Variants in TIAM2 observed in about 807,000 individuals in gnomAD.
TIAM2 encodes rho guanine nucleotide exchange factor TIAM2.
A neutral mutation model predicts 152.9 loss-of-function variants in TIAM2; 80 were observed. The observed-to-expected ratio is 0.52, with a 90% CI of 0.44 to 0.63. The LOEUF (loss-of-function observed/expected upper bound fraction) is 0.63, where lower values mean the gene tolerates loss of function less well. Ranked by LOEUF, TIAM2 falls within the 30% of genes least tolerant of loss-of-function variation. The probability of loss-of-function intolerance (pLI) is 0.00; values close to 1 mark genes in which losing one functional copy is unlikely to be tolerated. For missense variants in TIAM2, 1,965 were observed against 2,120.1 expected, an observed-to-expected ratio of 0.93 and a Z score of 1.44; for synonymous variants, 804 against 838.0, an observed-to-expected ratio of 0.96 and a Z score of 0.70.
In TIAM2 at chr6:155,005,244, C is replaced by T. The variant is rs1029863204; in HGVS notation, c.-209+9752C>T. Reference sequence around the variant, plus strand: ...TTTCCACAATAAAAATGAGGAATTCCGTCTGGAAGCAGGCCAGGCATCCTG... The same window carrying T: ...TTTCCACAATAAAAATGAGGAATTCTGTCTGGAAGCAGGCCAGGCATCCTG... On this transcript the variant is annotated intron_variant, in intron 1 of 26. Transcript: ENST00000682666. 4.8e-5 allele frequency: 11 copies of T among 226,946 alleles called. 1 individual carries two copies. Among genetic ancestry groups the T allele is most frequent in the South Asian group, 3.3e-4 (4 of 12,306 alleles). 14.1% of individuals were successfully genotyped at this position (226,946 alleles called of 1,614,324 possible).
chr6:155,008,279 A>G (rs1425835264), intron 1 of TIAM2, among the ~76,000 whole-genome samples: 2 of 152,264 alleles, frequency 1.3e-5, no homozygotes, highest in Non-Finnish European at 2.9e-5. Flanking sequence ...CTAAAATAGC[A>G]TGACACTGAG....
In TIAM2 at chr6:155,248,690, G is replaced by A. The variant is rs1447221497; in HGVS notation, c.3832+511G>A. Among the ~76,000 whole-genome samples the A allele has an allele frequency of 2.6e-5, 4 of 152,194 alleles. No homozygotes were observed. In the East Asian group the frequency reaches 7.7e-4, roughly 29 times the overall value. On this transcript the variant is annotated intron_variant, in intron 20 of 26. Coordinates refer to ENST00000682666, the MANE Select transcript of TIAM2 (RefSeq NM_012454.4). Reference sequence around the variant, plus strand: ...TTCAAGTCGCTACTGGTGTGTTACTGTTTGAACCTCTGAAATTACTGGCCT... The same window carrying A: ...TTCAAGTCGCTACTGGTGTGTTACTATTTGAACCTCTGAAATTACTGGCCT...
chr6:155,113,480 G>A (rs906946951), intron 2 of TIAM2, among the ~76,000 whole-genome samples: 13 of 152,062 alleles, frequency 8.5e-5, no homozygotes, highest in African/African-American at 2.7e-4. Context: ...TAGCACTTTG[G>A]GAGGCTGAGG....
rs1267049835 is a variant in TIAM2, at chr6:155,029,479, TA to T, written c.-209+33988del. ...ATTATATATAATATATACTATAGTA[TA>T]TATACTATAGTATATATTATATATA... On this transcript the variant is annotated intron_variant, in intron 1 of 26. Transcript: ENST00000682666. Among the ~76,000 whole-genome samples, 72 of 20,102 alleles carry T rather than the reference TA, an allele frequency of 3.6e-3. 12 individuals are homozygous for T. Among genetic ancestry groups the T allele is most frequent in the African/African-American group, 0.011 (41 of 3,898 alleles). 13.2% of individuals were successfully genotyped at this position (20,102 alleles called of 152,430 possible).
chr6:155,089,218 CGGGGGGGT>C (rs1778240758), intron 1 of TIAM2, among the ~76,000 whole-genome samples: 1 of 131,498 alleles, frequency 7.6e-6, no homozygotes, highest in South Asian at 2.5e-4. Flanking sequence ...TGTTTTTTTT[CGGGGGGGT>C]GGGGGTGTGG....
At chr6:155,225,636 T>A (rs965968856) in intron 15 of TIAM2, among the ~76,000 whole-genome samples, 1 of 152,252 alleles carries the variant, frequency 6.6e-6, no homozygotes, top group Non-Finnish European at 1.5e-5. Flanking sequence ...ATGTATTTAT[T>A]GATTTCTATT....
At chr6:155,142,791 T>C (rs556227021) in intron 5 of TIAM2, among the ~76,000 whole-genome samples, 2 of 152,302 alleles carry the variant, frequency 1.3e-5, no homozygotes, top group African/African-American at 4.8e-5. Flanking sequence ...GAGGAGCAAA[T>C]GCGCAGTTTC....
At chr6:155,144,887 C>T (rs1779788019) in intron 6 of TIAM2, 109 bp downstream of exon 6, 2 of 1,319,346 alleles carry the variant, frequency 1.5e-6, no homozygotes, top group South Asian at 2.9e-5. Context: ...CTTAGTTAGG[C>T]TTTGGATTTG....
intron 1 of TIAM2, among the ~76,000 whole-genome samples, chr6:155,008,032 G>T (rs1265315463): frequency 6.6e-6 from 1 of 152,186 alleles, no homozygotes; most frequent in Non-Finnish European, 1.5e-5. Flanking sequence ...CAACAAGTGG[G>T]TTGTTCCGAA....
intron 15 of TIAM2, among the ~76,000 whole-genome samples, chr6:155,228,644 T>C (rs1782329210): frequency 6.6e-6 from 1 of 152,178 alleles, no homozygotes; most frequent in Non-Finnish European, 1.5e-5. Context: ...GAATTTTATG[T>C]GAAAGAGGTG....
intron 1 of TIAM2, among the ~76,000 whole-genome samples, chr6:155,047,919 C>T (rs1311920428): frequency 2.0e-5 from 3 of 152,122 alleles, no homozygotes; most frequent in Non-Finnish European, 4.4e-5. Context: ...ATGGTAAGCA[C>T]TGATGTCAGT....
intron 14 of TIAM2, among the ~76,000 whole-genome samples, chr6:155,198,553 T>C (rs922085274): frequency 4.7e-5 from 7 of 149,064 alleles, no homozygotes; most frequent in African/African-American, 1.7e-4. Context: ...TCCCAGCTAC[T>C]CGGAAGGCTG....
chr6:155,016,743 C>A (rs1029179390), intron 1 of TIAM2, among the ~76,000 whole-genome samples: 1 of 151,034 alleles, frequency 6.6e-6, no homozygotes, highest in Non-Finnish European at 1.5e-5. Flanking sequence ...ACTAAAAATA[C>A]AAAAAAATTA....
At chr6:155,211,151 T>C (rs902532836) in intron 14 of TIAM2, 53 bp from the exon 15 acceptor site, 3 of 1,530,268 alleles carry the variant, frequency 2.0e-6, no homozygotes, top group South Asian at 2.3e-5. Context: ...CCGGGTGTTA[T>C]TATTCTCTGC....
At chr6:155,228,106 G>C (rs730536) in intron 15 of TIAM2, among the ~76,000 whole-genome samples, 117,384 of 152,134 alleles carry the variant, frequency 0.77, 45,477 homozygotes, top group East Asian at 0.86. Flanking sequence ...AGTGAAGGGA[G>C]AGTCTGGGCT....
At position 155,112,300 on chromosome 6, in the gene TIAM2, A is replaced by G. The variant is rs1463789434; in HGVS notation, c.-117-15190A>G. 4.0e-5 allele frequency among the ~76,000 whole-genome samples: 6 copies of G among 151,186 alleles called. No homozygotes were observed. In the East Asian group the frequency reaches 5.8e-4, roughly 15 times the overall value. On this transcript the variant is annotated intron_variant, in intron 2 of 26. Coordinates refer to ENST00000682666, the MANE Select transcript of TIAM2 (RefSeq NM_012454.4). ...GCCACCAAGCCCGGCTAATTTTTGTAATTTTTTTTAGTAGAGACGGGGTTT... is the reference window on the plus strand; with the variant it reads ...GCCACCAAGCCCGGCTAATTTTTGTGATTTTTTTTAGTAGAGACGGGGTTT...
Position 155,254,036 on chromosome 6 carries a change from A to C in TIAM2, c.4289A>C (p.Glu1430Ala), listed in dbSNP as rs1783847546. 6.2e-7 allele frequency: 1 copy of C among 1,614,182 alleles called. No homozygotes were observed. Among genetic ancestry groups the C allele is most frequent in the Non-Finnish European group, 8.5e-7 (1 of 1,180,014 alleles). ...AAGTCAGAAATAGAAGGACGGCCAG[A>C]AACCATCTTTCAGTTGTGTTGCAGG... ...HTKSEIEGRP[E>A]TIFQLCCSDS... The change falls in exon 25 of 27, where the codon GAA becomes GCA. Residue 1430 changes from glutamate to alanine, a missense_variant. Coordinates refer to ENST00000682666, the MANE Select transcript of TIAM2 (RefSeq NM_012454.4).
chr6:155,075,156 A>T (rs1404853286), intron 1 of TIAM2, among the ~76,000 whole-genome samples: 1 of 151,974 alleles, frequency 6.6e-6, no homozygotes, highest in African/African-American at 2.4e-5. Flanking sequence ...AGGTGAGGGG[A>T]GGCTGGGTTG....
chr6:155,032,914 A>G (rs1332105220), intron 1 of TIAM2, among the ~76,000 whole-genome samples: 1 of 152,214 alleles, frequency 6.6e-6, no homozygotes, highest in African/African-American at 2.4e-5. Flanking sequence ...TGGGGTATAT[A>G]AAAGAATCAT....
Sources: gnomAD v4.1 joint callset for allele counts (sites outside exome capture counted in the v4.1 genomes callset) on GRCh38, gnomAD v4.1.1 for gene constraint, MANE v1.5 for transcripts, NCBI Gene and HGNC (gene_info 2026-07-23, HGNC 2026-07-21) for gene names.